ERLN: variants seen among roughly 807,000 people sequenced by gnomAD.
ERLN encodes endoregulin, also known as small integral membrane protein 6.
chr17:75,646,805 TC>T, the ERLN span: 1 of 152,906 alleles, frequency 6.5e-6, no homozygotes, highest in Non-Finnish European at 1.5e-5. Flanking sequence ...TCCCTCCTTC[TC>T]CACCTGGGCT....
chr17:75,647,315 T>G, the ERLN span: 1 of 1,453,558 alleles, frequency 6.9e-7, no homozygotes, highest in Admixed American at 2.1e-5. Context: ...GCATAGCACC[T>G]GGGACAGGGC....
the ERLN span, among the ~76,000 whole-genome samples, chr17:75,646,980 G>A: frequency 6.6e-6 from 1 of 152,208 alleles, no homozygotes; most frequent in Non-Finnish European, 1.5e-5. Context: ...CAAATGTTTG[G>A]CAGTTGGGGC....
the ERLN span, chr17:75,646,336 G>C: frequency 1.3e-5 from 2 of 152,396 alleles, no homozygotes; most frequent in East Asian, 1.9e-4. Flanking sequence ...CAGTCCACAC[G>C]TCACCCAGAC....
chr17:75,647,354 C>T, the ERLN span: 8 of 1,537,322 alleles, frequency 5.2e-6, no homozygotes, highest in Non-Finnish European at 7.0e-6. Flanking sequence ...CTCAGGTCCT[C>T]TGTCCCTCTT....
the ERLN span, chr17:75,647,717 T>C: frequency 1.3e-6 from 1 of 743,202 alleles, no homozygotes; most frequent in Non-Finnish European, 2.2e-6. Context: ...AAATACTGTA[T>C]CTGGCTTAGG....
At chr17:75,646,721 G>A in the ERLN span, 1 of 152,372 alleles carries the variant, frequency 6.6e-6, no homozygotes, top group Non-Finnish European at 1.5e-5. Context: ...CCTCCACAAA[G>A]TGTGAGCCTG....
the ERLN span, chr17:75,647,270 A>C: frequency 5.9e-6 from 6 of 1,020,938 alleles, no homozygotes; most frequent in Non-Finnish European, 8.4e-6. Context: ...GGCTGCTCAC[A>C]GAGGCTGCTA....
chr17:75,647,642 C>A, the ERLN span: 3 of 1,429,654 alleles, frequency 2.1e-6, no homozygotes, highest in Non-Finnish European at 1.9e-6. Flanking sequence ...GGCCCCTTCG[C>A]GGTTCCCTCT....
chr17:75,646,314 G>GGGGC, the ERLN span: 2 of 152,350 alleles, frequency 1.3e-5, no homozygotes, highest in Non-Finnish European at 2.9e-5. Flanking sequence ...TCCTGAGCTC[G>GGGGC]GGGCAGGTCC....
the ERLN span, among the ~76,000 whole-genome samples, chr17:75,646,977 T>C: frequency 6.6e-6 from 1 of 152,210 alleles, no homozygotes; most frequent in African/African-American, 2.4e-5. Flanking sequence ...TCCCAAATGT[T>C]TGGCAGTTGG....
At chr17:75,647,053 TGAGA>T in the ERLN span, among the ~76,000 whole-genome samples, 2 of 152,186 alleles carry the variant, frequency 1.3e-5, no homozygotes, top group African/African-American at 4.8e-5. Flanking sequence ...GTCTCAGGGA[TGAGA>T]GAGAGTCCTT....
At chr17:75,647,231 T>G in the ERLN span, 1 of 667,340 alleles carries the variant, frequency 1.5e-6, no homozygotes, top group East Asian at 2.8e-5. Flanking sequence ...ACTCTAGCCC[T>G]TTCATGTCCC....
chr17:75,647,434 T>A, the ERLN span: 2 of 1,550,146 alleles, frequency 1.3e-6, no homozygotes, highest in Middle Eastern at 2.2e-4. Context: ...GCAGAACCCC[T>A]GGGACCAGGG....
the ERLN span, chr17:75,646,879 A>C: frequency 6.5e-6 from 1 of 153,582 alleles, no homozygotes; most frequent in Admixed American, 6.5e-5. Context: ...AGGACTCCTA[A>C]GTTCTATTCT....
At chr17:75,647,005 G>A in the ERLN span, among the ~76,000 whole-genome samples, 1 of 152,238 alleles carries the variant, frequency 6.6e-6, no homozygotes, top group East Asian at 1.9e-4. Flanking sequence ...AAAACAGGGA[G>A]ACTCTATCAT....
At chr17:75,647,330 G>T in the ERLN span, 1 of 1,499,348 alleles carries the variant, frequency 6.7e-7, no homozygotes, top group Non-Finnish European at 9.0e-7. Flanking sequence ...CAGGGCCTGG[G>T]AGGGCTGCCT....
chr17:75,647,309 A>G, the ERLN span: 1 of 1,415,820 alleles, frequency 7.1e-7, no homozygotes, highest in Non-Finnish European at 9.5e-7. Flanking sequence ...GGCAGAGCAT[A>G]GCACCTGGGA....
At chr17:75,646,941 G>A in the ERLN span, among the ~76,000 whole-genome samples, 27 of 152,314 alleles carry the variant, frequency 1.8e-4, no homozygotes, top group Admixed American at 9.2e-4. Flanking sequence ...GCCCCTCCTC[G>A]GCTCCTATAC....
the ERLN span, chr17:75,647,377 A>G: frequency 6.5e-7 from 1 of 1,547,712 alleles, no homozygotes; most frequent in Non-Finnish European, 8.7e-7. Context: ...CCAGATTCTC[A>G]TGGACCAACT....
Sources: gnomAD v4.1 joint callset for allele counts (sites outside exome capture counted in the v4.1 genomes callset) on GRCh38, gnomAD v4.1.1 for gene constraint, MANE v1.5 for transcripts, NCBI Gene and HGNC (gene_info 2026-07-23, HGNC 2026-07-21) for gene names.